Variants in ARAF observed in about 807,000 individuals in gnomAD.
ARAF encodes A-Raf proto-oncogene, serine/threonine kinase.
In ARAF, 18 loss-of-function variants were observed where a neutral mutation model predicts 48.0. The observed-to-expected ratio is 0.37, with a 90% CI of 0.26 to 0.56. ARAF has a LOEUF of 0.56. ARAF is among the 20% of genes least tolerant of loss of function. The pLI is 0.77. For missense variants in ARAF, 389 were observed against 543.1 expected, an observed-to-expected ratio of 0.72 and a Z score of 2.82; for synonymous variants, 207 against 220.1, an observed-to-expected ratio of 0.94 and a Z score of 0.53.
chrX:47,567,491 G>C, intron 10 of ARAF, 59 bp downstream of exon 10: 1 of 1,113,885 alleles, frequency 9.0e-7, no homozygotes. Flanking sequence ...ATCTCTCTGG[G>C]AAAAGGCCAT....
In ARAF at chrX:47,571,508, C is replaced by G. The variant is rs1421753141; in HGVS notation, c.*51C>G. 1 of 1,163,751 alleles carries G rather than the reference C, an allele frequency of 8.6e-7. No individual in the cohort carries two copies. The highest frequency in any genetic ancestry group is 1.1e-6 in the Non-Finnish European group (1 of 871,814). On this transcript the variant is annotated 3_prime_UTR_variant, in exon 16 of 16. Transcript: ENST00000377045. ...AATCTCAGCCCTCCACGCCAAGGAG[C>G]CTTGCCCACCAGCCAATCAATGTTC...
At position 47,569,499 on chromosome X, in the gene ARAF, G is replaced by A. The variant is rs750559969; in HGVS notation, c.1301-40G>A. The A allele has an allele frequency of 2.8e-4, 307 of 1,112,794 alleles. 1 individual carries two copies. The highest frequency in any genetic ancestry group is 4.9e-4 in the South Asian group (26 of 53,187). The allele number at this position is 1,112,794 out of a possible 1,213,427, so 91.7% of individuals were successfully genotyped here. ...ACCTCCCAGGCAGGGTGAGAGGCAT[G>A]GCTATTAGGAGTCCCTGTAGTGGTC... On this transcript the variant is annotated intron_variant, in intron 12 of 15. Transcript: ENST00000377045.
chrX:47,565,543 A>G, intron 6 of ARAF, 193 bp downstream of exon 6: 1 of 640,986 alleles, frequency 1.6e-6, no homozygotes, highest in Non-Finnish European at 2.2e-6. Context: ...TCTCATCTGT[A>G]AAGAGGGGAT....
rs1356782726 is a variant in ARAF at position 47,565,029 on chromosome X, T to C, written c.348T>C (p.Leu116=). The C allele has an allele frequency of 8.3e-7, 1 of 1,209,957 alleles. No individual in the cohort carries two copies. The highest frequency in any genetic ancestry group is 1.1e-6 in the Non-Finnish European group (1 of 895,138). ...FFSLAFCDFC[L]KFLFHGFRCQ... is the part of the protein sequence containing the mutation. ...GCCTGGCGTTCTGTGACTTCTGCCT[T>C]AAGTTTCTGTTCCATGGCTTCCGTT... The change falls in exon 5 of 16, where the codon CTT becomes CTC. Residue 116 remains leucine (L), a synonymous_variant. Transcript: ENST00000377045.
chrX:47,566,796 G>T lies in ARAF; in HGVS notation c.699+16G>T. ...CCTCATCCAGGTTGGTGCTGTGGGGGACAATGCCGGGGACCACAGGGCAGA... is the reference window on the plus strand; with the variant it reads ...CCTCATCCAGGTTGGTGCTGTGGGGTACAATGCCGGGGACCACAGGGCAGA... On this transcript the variant is annotated intron_variant, in intron 7 of 15. Transcript: ENST00000377045. The T allele has an allele frequency of 8.3e-7, 1 of 1,211,107 alleles. No individual in the cohort carries two copies. Among genetic ancestry groups the T allele is most frequent in the Non-Finnish European group, 1.1e-6 (1 of 895,101 alleles).
chrX:47,571,274 G>A (rs779665380), intron 15 of ARAF, 49 bp from the exon 16 acceptor site: 22 of 1,161,361 alleles, frequency 1.9e-5, no homozygotes, highest in Non-Finnish European at 2.4e-5. Flanking sequence ...GGGCTGTTGG[G>A]ATGCCCACAG....
chrX:47,562,915 C>T lies in ARAF; in HGVS notation c.-53C>T. On this transcript the variant is annotated 5_prime_UTR_variant, in exon 2 of 16. Transcript: ENST00000377045. ...CTTGTCTGCCTTCTTGTAGGAGCCCCATGGCACCTGCCCAGCCCCACCTCA... is the reference window on the plus strand; with the variant it reads ...CTTGTCTGCCTTCTTGTAGGAGCCCTATGGCACCTGCCCAGCCCCACCTCA... 1.0e-6 allele frequency: 1 copy of T among 979,609 alleles called. No homozygotes were observed. The highest frequency in any genetic ancestry group is 2.3e-5 in the South Asian group (1 of 42,933). The allele number at this position is 979,609 out of a possible 1,213,427, so 80.7% of individuals were successfully genotyped here.
chrX:47,567,372 A>G lies in ARAF; in HGVS notation c.1016A>G (p.Lys339Arg). 8.3e-7 allele frequency: 1 copy of G among 1,210,167 alleles called. No homozygotes were observed. Among genetic ancestry groups the G allele is most frequent in the Non-Finnish European group, 1.1e-6 (1 of 894,816 alleles). Residue 339 changes from lysine to arginine, a missense_variant, in exon 10 of 16, where the codon AAG becomes AGG. Lys to Arg is a conservative substitution (Grantham distance 26, BLOSUM62 2). Coordinates refer to ENST00000377045, the MANE Select transcript of ARAF (RefSeq NM_001654.5). ...WHGDVAVKVL[K>R]VSQPTAEQAQ... ...GGCGATGTGGCCGTGAAGGTGCTCA[A>G]GGTGTCCCAGCCCACAGCTGAGCAG... is the stretch of plus-strand genomic sequence containing the variant.
In ARAF at chrX:47,566,699, C is replaced by A. The variant is rs149635355; in HGVS notation, c.618C>A (p.Pro206=). 2 of 1,203,421 alleles carry A rather than the reference C, an allele frequency of 1.7e-6. No individual in the cohort carries two copies. The highest frequency in any genetic ancestry group is 1.8e-5 in the South Asian group (1 of 55,186). The change falls in exon 7 of 16, where the codon CCC becomes CCA. Residue 206 remains proline (P), a synonymous_variant. Transcript: ENST00000377045. ...HFPFPAPANA[P]LQRIRSTSTP... Reference sequence around the variant, plus strand: ...CCTTCCCTGCCCCAGCCAATGCCCCCCTACAGCGCATCCGCTCCACGTCCA... The same window carrying A: ...CCTTCCCTGCCCCAGCCAATGCCCCACTACAGCGCATCCGCTCCACGTCCA...
intron 14 of ARAF, among the ~76,000 whole-genome samples, chrX:47,570,478 C>T (rs1441337087): frequency 9.0e-6 from 1 of 110,810 alleles, no homozygotes; most frequent in African/African-American, 3.3e-5. Context: ...CACCCACAGT[C>T]ACCTAGGCCT....
chrX:47,571,567 T>G lies in ARAF; in HGVS notation c.*110T>G. On this transcript the variant is annotated 3_prime_UTR_variant, in exon 16 of 16. Coordinates refer to ENST00000377045, the MANE Select transcript of ARAF (RefSeq NM_001654.5). The stretch of plus-strand genomic sequence containing the variant: ...CCTGATGCTGCCTCAGGATCCCCCA[T>G]TCCCCACCCTGGGAGATGAGGGGGT... 1.7e-5 allele frequency: 17 copies of G among 990,605 alleles called. No homozygotes were observed. The highest frequency in any genetic ancestry group is 2.0e-5 in the Non-Finnish European group (15 of 754,412). 81.6% of individuals were successfully genotyped at this position (990,605 alleles called of 1,213,427 possible).
Position 47,568,762 on chromosome X carries a change from C to T in ARAF, c.1121C>T (p.Thr374Ile). 3 of 1,211,491 alleles carry T rather than the reference C, an allele frequency of 2.5e-6. No individual in the cohort carries two copies. The highest frequency in any genetic ancestry group is 3.4e-6 in the Non-Finnish European group (3 of 895,377). The stretch of plus-strand genomic sequence containing the variant: ...ATCTTGCTGTTTATGGGCTTCATGA[C>T]CCGGCCGGGATTTGCCATCATCACA... Reference protein sequence around the residue: ...VNILLFMGFMTRPGFAIITQW... With the variant: ...VNILLFMGFMIRPGFAIITQW... Residue 374 changes from threonine to isoleucine, a missense_variant, in exon 11 of 16, where the codon ACC (threonine) becomes ATC (isoleucine). Thr to Ile is a moderately conservative substitution (Grantham distance 89). Transcript: ENST00000377045.
In ARAF at chrX:47,570,831, A is replaced by T. The variant is rs766876031; in HGVS notation, c.1552-47A>T. Reference sequence around the variant, plus strand: ...CAATACAAAATTCCTTGGGCCTCCCAGCCCCTGACCCCAGATCACCCCTTT... The same window carrying T: ...CAATACAAAATTCCTTGGGCCTCCCTGCCCCTGACCCCAGATCACCCCTTT... On this transcript the variant is annotated intron_variant, in intron 14 of 15. Coordinates refer to ENST00000377045, the MANE Select transcript of ARAF (RefSeq NM_001654.5). 11 of 1,171,242 alleles carry T rather than the reference A, an allele frequency of 9.4e-6. No homozygotes were observed. In the South Asian group the frequency reaches 2.1e-4, roughly 22 times the overall value.
At chrX:47,566,489 A>G (rs1194243293) in intron 6 of ARAF, 150 bp from the exon 7 acceptor site, 2 of 573,068 alleles carry the variant, frequency 3.5e-6, no homozygotes, top group African/African-American at 4.7e-5. Flanking sequence ...CAGGCACTCA[A>G]TAAATGTTTC....
At chrX:47,569,683 G>A in intron 13 of ARAF, 26 bp downstream of exon 13, 1 of 1,180,712 alleles carries the variant, frequency 8.5e-7, no homozygotes, top group Non-Finnish European at 1.2e-6. Flanking sequence ...CTGGATGGGG[G>A]GCACATGGGG....
intron 3 of ARAF, among the ~76,000 whole-genome samples, chrX:47,564,464 C>A (rs1467416859): frequency 1.8e-5 from 2 of 112,098 alleles, no homozygotes; most frequent in Non-Finnish European, 3.8e-5. Context: ...CCTCCTCAGC[C>A]CCCTTTTCAG....
chrX:47,571,071 GA>G, intron 15 of ARAF, 59 bp downstream of exon 15: 1 of 1,158,292 alleles, frequency 8.6e-7, no homozygotes, highest in Non-Finnish European at 1.2e-6. Flanking sequence ...GAGGAAGACT[GA>G]GATGGAGGCA....
Position 47,567,322 on chromosome X carries a change from C to T in ARAF, c.966C>T (p.Gly322=). The T allele has an allele frequency of 3.3e-6, 4 of 1,211,276 alleles. No homozygotes were observed. The highest frequency in any genetic ancestry group is 4.5e-6 in the Non-Finnish European group (4 of 895,372). ...AGAGGATCGGGACGGGCTCGTTTGGCACCGTGTTTCGAGGGCGGTGGCATG... is the reference window on the plus strand; with the variant it reads ...AGAGGATCGGGACGGGCTCGTTTGGTACCGTGTTTCGAGGGCGGTGGCATG... ...LLKRIGTGSF[G]TVFRGRWHGD... The change falls in exon 10 of 16, where the codon GGC becomes GGT. Residue 322 remains glycine (G), a synonymous_variant. Transcript: ENST00000377045.
chrX:47,568,933 TG>T, intron 11 of ARAF, 39 bp downstream of exon 11: 1 of 1,194,379 alleles, frequency 8.4e-7, no homozygotes, highest in African/African-American at 1.8e-5. Flanking sequence ...GGGGAAAGGG[TG>T]GGGGAAATGA....
Sources: gnomAD v4.1 joint callset for allele counts (sites outside exome capture counted in the v4.1 genomes callset) on GRCh38, gnomAD v4.1.1 for gene constraint, MANE v1.5 for transcripts, NCBI Gene and HGNC (gene_info 2026-07-23, HGNC 2026-07-21) for gene names.